Variants in TULP3 observed in about 807,000 individuals in gnomAD.
TULP3 encodes the protein tubby-related protein 3.
Under a neutral mutation model 50.7 loss-of-function variants are expected in TULP3, and 38 were observed. The observed-to-expected ratio is 0.75, with a 90% CI of 0.58 to 0.98. The LOEUF is 0.98. TULP3 is among the 50% of genes least tolerant of loss of function. TULP3 has a pLI of 0.00. For missense variants in TULP3, 550 were observed against 568.0 expected, an observed-to-expected ratio of 0.97 and a Z score of 0.32; for synonymous variants, 183 against 196.6, an observed-to-expected ratio of 0.93 and a Z score of 0.58.
chr12:2,916,214 T>C (rs576067219), intron 2 of TULP3, among the ~76,000 whole-genome samples: 1 of 151,574 alleles, frequency 6.6e-6, no homozygotes, highest in African/African-American at 2.4e-5. Context: ...TTCCGGCATG[T>C]TGGCCTCGAA....
intron 2 of TULP3, among the ~76,000 whole-genome samples, chr12:2,920,096 C>G (rs1380132033): frequency 6.6e-6 from 1 of 151,448 alleles, no homozygotes; most frequent in Non-Finnish European, 1.5e-5. Context: ...CTGAAGAAAC[C>G]ACCCTTGCTG....
intron 1 of TULP3, among the ~76,000 whole-genome samples, chr12:2,893,941 G>A (rs553825221): frequency 8.5e-5 from 13 of 152,198 alleles, no homozygotes; most frequent in Middle Eastern, 3.4e-3. Flanking sequence ...ACCAGGCTTG[G>A]CCTATTTTCT....
intron 2 of TULP3, among the ~76,000 whole-genome samples, chr12:2,911,744 GT>G (rs926148454): frequency 7.8e-6 from 1 of 127,698 alleles, no homozygotes; most frequent in Non-Finnish European, 1.6e-5. Flanking sequence ...TTTTATAGGA[GT>G]TTTTTTTACA....
At position 2,930,150 on chromosome 12, in the gene TULP3, T is replaced by C. The variant is rs1201642618; in HGVS notation, c.395-98T>C. The C allele has an allele frequency of 3.6e-6, 3 of 829,448 alleles. No individual in the cohort carries two copies. In the Admixed American group the frequency reaches 7.7e-5, roughly 21 times the overall value. The allele number at this position is 829,448 out of a possible 1,614,324, so 51.4% of individuals were successfully genotyped here. A position where few individuals can be genotyped will look rare whatever the true frequency, so the allele number is the denominator to read the frequency against. On this transcript the variant is annotated intron_variant, in intron 4 of 10. Transcript: ENST00000448120. ...ATAGTTGTGTTTACGGTCAGAATAGTTAAGAATGTTTTAAGCAAGAAAATT... is the reference window on the plus strand; with the variant it reads ...ATAGTTGTGTTTACGGTCAGAATAGCTAAGAATGTTTTAAGCAAGAAAATT...
At chr12:2,916,530 A>T (rs1447240647) in intron 2 of TULP3, among the ~76,000 whole-genome samples, 1 of 152,218 alleles carries the variant, frequency 6.6e-6, no homozygotes, top group African/African-American at 2.4e-5. Context: ...TAAAATCACG[A>T]AGGCAGTGTG....
intron 1 of TULP3, among the ~76,000 whole-genome samples, chr12:2,894,940 A>G (rs1269085581): frequency 1.3e-5 from 2 of 152,200 alleles, no homozygotes; most frequent in African/African-American, 4.8e-5. Context: ...GTGAAAATAA[A>G]TAACATTCCC....
At position 2,940,448 on chromosome 12, in the gene TULP3, C is replaced by T; in HGVS notation, c.*1004C>T. ...GGCTCCCTCAACCCTGGCTCAGGCACAGAAGGTGTTTTGCTACGTTTTTTT... is the reference window on the plus strand; with the variant it reads ...GGCTCCCTCAACCCTGGCTCAGGCATAGAAGGTGTTTTGCTACGTTTTTTT... On this transcript the variant is annotated 3_prime_UTR_variant, in exon 11 of 11. Transcript: ENST00000448120. The T allele has an allele frequency of 6.7e-7, 1 of 1,482,846 alleles. No individual in the cohort carries two copies. Among genetic ancestry groups the T allele is most frequent in the Non-Finnish European group, 9.0e-7 (1 of 1,114,536 alleles). The allele number at this position is 1,482,846 out of a possible 1,614,324, so 91.9% of individuals were successfully genotyped here.
intron 4 of TULP3, among the ~76,000 whole-genome samples, chr12:2,923,243 T>C (rs1357995559): frequency 6.6e-6 from 1 of 152,224 alleles, no homozygotes; most frequent in Non-Finnish European, 1.5e-5. Context: ...ATGTATTGGG[T>C]ACCTACTTTG....
intron 1 of TULP3, among the ~76,000 whole-genome samples, chr12:2,898,726 G>C (rs900160804): frequency 1.3e-5 from 2 of 152,108 alleles, no homozygotes; most frequent in Non-Finnish European, 2.9e-5. Flanking sequence ...ATGTGCCCAG[G>C]CTGAGTGCAG....
intron 2 of TULP3, among the ~76,000 whole-genome samples, chr12:2,912,444 G>A (rs543624218): frequency 6.6e-5 from 10 of 152,272 alleles, no homozygotes; most frequent in East Asian, 5.8e-4. Flanking sequence ...CATCAGTGAC[G>A]GTGGCACATC....
chr12:2,915,019 A>G (rs924971879), intron 2 of TULP3, among the ~76,000 whole-genome samples: 3 of 138,146 alleles, frequency 2.2e-5, no homozygotes, highest in South Asian at 2.4e-4. Context: ...ACAAGAGTGT[A>G]GCCCTGTTGC....
intron 10 of TULP3, among the ~76,000 whole-genome samples, 199 bp downstream of exon 10, chr12:2,938,484 A>G (rs1032812716): frequency 2.0e-5 from 3 of 152,104 alleles, no homozygotes; most frequent in Non-Finnish European, 4.4e-5. Flanking sequence ...GAGGAGTGTG[A>G]GAGAGATGCT....
chr12:2,924,315 A>T (rs2153949791), intron 4 of TULP3, among the ~76,000 whole-genome samples: 1 of 152,296 alleles, frequency 6.6e-6, no homozygotes, highest in East Asian at 1.9e-4. Flanking sequence ...GAGATGAGCC[A>T]GGAGAGGGAA....
intron 4 of TULP3, among the ~76,000 whole-genome samples, chr12:2,926,778 G>A (rs1454130405): frequency 2.0e-5 from 3 of 152,176 alleles, no homozygotes; most frequent in Admixed American, 6.5e-5. Flanking sequence ...GTGGTGGTGG[G>A]CAGCTGTAAT....
At chr12:2,931,315 A>C in intron 6 of TULP3, 75 bp downstream of exon 6, 3 of 1,449,714 alleles carry the variant, frequency 2.1e-6, no homozygotes, top group Non-Finnish European at 2.8e-6. Context: ...GATGGGCCTT[A>C]GGGAACTAAC....
rs767402594 is a variant in TULP3 at position 2,939,692 on chromosome 12, AACAC to A, written c.*253_*256del. ...TTTGGAACGACCCCTGAATATATAA[AACAC>A]ACACGAAGAGCAATAGTTTGCCCCT... On this transcript the variant is annotated 3_prime_UTR_variant, in exon 11 of 11. Transcript: ENST00000448120. The surrounding 1 kb of genome is among the most constrained non-coding windows in gnomAD (Gnocchi z 4.0). The A allele has an allele frequency of 7.4e-7, 1 of 1,344,926 alleles. No homozygotes were observed. Among genetic ancestry groups the A allele is most frequent in the Non-Finnish European group, 9.6e-7 (1 of 1,047,028 alleles). 83.3% of individuals were successfully genotyped at this position (1,344,926 alleles called of 1,614,324 possible).
At chr12:2,905,979 G>A (rs2098181955) in intron 1 of TULP3, among the ~76,000 whole-genome samples, 1 of 150,552 alleles carries the variant, frequency 6.6e-6, no homozygotes, top group African/African-American at 2.4e-5. Context: ...CCAAGATCAT[G>A]CCACTGCACT....
Position 2,890,921 on chromosome 12 carries a change from G to A in TULP3, c.-27G>A, listed in dbSNP as rs2098171399. The A allele has an allele frequency of 2.5e-6, 4 of 1,587,778 alleles. No homozygotes were observed. The highest frequency in any genetic ancestry group is 1.8e-5 in the Admixed American group (1 of 56,738). On this transcript the variant is annotated 5_prime_UTR_variant, in exon 1 of 11. It adds an upstream start codon to the 5' untranslated region. Coordinates refer to ENST00000448120, the MANE Select transcript of TULP3 (RefSeq NM_003324.5). ...AGCGACGGCGGGGAAGAGTGTGTAC[G>A]TGGTGGGGGCTTCCTCGGTGGCGGG...
chr12:2,938,072 T>C (rs377384021), intron 9 of TULP3, 42 bp from the exon 10 acceptor site: 2 of 1,608,116 alleles, frequency 1.2e-6, no homozygotes, highest in Non-Finnish European at 1.7e-6. Flanking sequence ...CCTCGTAGAG[T>C]TGGAGTTCTC....
Sources: allele counts gnomAD v4.1 joint callset (sites outside exome capture counted in the v4.1 genomes callset), GRCh38; gene constraint gnomAD v4.1.1; non-coding constraint Gnocchi (gnomAD v3.1); transcripts MANE v1.5; gene names NCBI Gene and HGNC (gene_info 2026-07-23, HGNC 2026-07-21).